Variants in SV2C observed in about 807,000 individuals in gnomAD.
SV2C encodes the protein solute carrier family 22 member B3.
SV2C carries 49 observed loss-of-function variants against 79.7 expected under a neutral mutation model. That is an observed-to-expected ratio of 0.61 (90% CI 0.49 to 0.78). The LOEUF (loss-of-function observed/expected upper bound fraction) is 0.78, where lower values mean the gene tolerates loss of function less well. Ranked by LOEUF, SV2C falls within the 30% of genes least tolerant of loss-of-function variation. The pLI is 0.00. For missense variants in SV2C, 833 were observed against 912.9 expected, an observed-to-expected ratio of 0.91 and a Z score of 1.13; for synonymous variants, 334 against 333.2, an observed-to-expected ratio of 1.00 and a Z score of -0.03.
chr5:76,117,000 A>G (rs1748290968), intron 1 of SV2C, among the ~76,000 whole-genome samples: 1 of 152,160 alleles, frequency 6.6e-6, no homozygotes, highest in South Asian at 2.1e-4. Flanking sequence ...GGAGAGGAAA[A>G]GTGAGCTAGG....
chr5:75,868,873 C>T, the SV2C span, among the ~76,000 whole-genome samples: 1 of 152,138 alleles, frequency 6.6e-6, no homozygotes, highest in Non-Finnish European at 1.5e-5. Context: ...AGAAGCTTTC[C>T]CTGGTTCCCT....
chr5:76,142,903 C>CCTTTTTTTTTTTTTTT (rs1749302755), intron 2 of SV2C, among the ~76,000 whole-genome samples: 1 of 134,574 alleles, frequency 7.4e-6, no homozygotes, highest in Non-Finnish European at 1.6e-5. Context: ...TTTTCTTTTC[C>CCTTTTTTTTTTTTTTT]TTTTTTTTTG....
the SV2C span, among the ~76,000 whole-genome samples, chr5:75,901,144 G>C: frequency 3.3e-5 from 5 of 152,168 alleles, no homozygotes; most frequent in African/African-American, 1.2e-4. Context: ...GCATTCCTTT[G>C]GAAGAGGAGA....
chr5:76,265,724 C>T (rs570730809), intron 4 of SV2C, among the ~76,000 whole-genome samples: 2 of 152,190 alleles, frequency 1.3e-5, no homozygotes, highest in Admixed American at 6.5e-5. Context: ...GGAGGCCCCC[C>T]TCCACCGCTC....
intron 1 of SV2C, among the ~76,000 whole-genome samples, chr5:76,111,925 G>A (rs190741284): frequency 7.2e-5 from 11 of 152,318 alleles, no homozygotes; most frequent in Admixed American, 2.0e-4. Flanking sequence ...TTTCAGGTCA[G>A]ATAAATTTGG....
At chr5:76,272,039 A>G (rs1303079360) in intron 4 of SV2C, among the ~76,000 whole-genome samples, 11 of 152,200 alleles carry the variant, frequency 7.2e-5, no homozygotes, top group Non-Finnish European at 1.0e-4. Context: ...TCATGAGCTA[A>G]GCAGCTGTTT....
the SV2C span, among the ~76,000 whole-genome samples, chr5:75,932,394 C>T: frequency 6.6e-6 from 1 of 152,158 alleles, no homozygotes; most frequent in African/African-American, 2.4e-5. Context: ...GTTGTGGAGA[C>T]CCGAACCCAG....
chr5:76,268,753 T>C (rs1746747120), intron 4 of SV2C, among the ~76,000 whole-genome samples: 1 of 152,236 alleles, frequency 6.6e-6, no homozygotes, highest in South Asian at 2.1e-4. Context: ...TTCTTTACTC[T>C]TTTTACTCTT....
the SV2C span, among the ~76,000 whole-genome samples, chr5:75,930,125 C>T: frequency 6.6e-6 from 1 of 152,080 alleles, no homozygotes; most frequent in African/African-American, 2.4e-5. Context: ...CTATTTTTCC[C>T]CTCCCCTCCC....
In SV2C at chr5:76,233,088, A is replaced by G. The variant is rs575990524; in HGVS notation, c.913+23201A>G. ...ACCCATGAGCATGGAATGTTCTTCC[A>G]TTTGTTTGTATCCTCTTTTATTTTG... On this transcript the variant is annotated intron_variant, in intron 4 of 12. Coordinates refer to ENST00000502798, the MANE Select transcript of SV2C (RefSeq NM_014979.4). 4.9e-4 allele frequency among the ~76,000 whole-genome samples: 69 copies of G among 141,634 alleles called. 7 individuals carry two copies. The highest frequency in any genetic ancestry group is 4.2e-3 in the Admixed American group (62 of 14,924). The allele number at this position is 141,634 out of a possible 152,430, so 92.9% of individuals were successfully genotyped here.
At chr5:76,230,832 A>G (rs1362182940) in intron 4 of SV2C, among the ~76,000 whole-genome samples, 1 of 152,028 alleles carries the variant, frequency 6.6e-6, no homozygotes, top group African/African-American at 2.4e-5. Flanking sequence ...GCAAGAAAGT[A>G]AGAAAAGAAA....
chr5:76,270,396 C>T (rs1244261147), intron 4 of SV2C, among the ~76,000 whole-genome samples: 5 of 152,148 alleles, frequency 3.3e-5, no homozygotes, highest in African/African-American at 1.2e-4. Context: ...TGAGATGAAT[C>T]ATTAGAAGTG....
chr5:76,347,124 G>GCAGCC lies in SV2C; in HGVS notation c.2001-6006_2001-6005insCAGCC, dbSNP rs57651775. Among the ~76,000 whole-genome samples, 1,368 of 151,796 alleles carry GCAGCC rather than the reference G, an allele frequency of 9.0e-3. 30 individuals carry two copies. The highest frequency in any genetic ancestry group is 0.032 in the African/African-American group (1,305 of 41,360). Reference sequence around the variant, plus strand: ...GGGCAGGAGAAAGCTGAGCTGTGATGGAGGCCTCAGCCAAATTGACGGCAC... The same window carrying GCAGCC: ...GGGCAGGAGAAAGCTGAGCTGTGATGCAGCCGAGGCCTCAGCCAAATTGACGGCAC... On this transcript the variant is annotated intron_variant, in intron 12 of 12. Transcript: ENST00000322285.
the SV2C span, among the ~76,000 whole-genome samples, chr5:76,028,201 G>T: frequency 1.1e-4 from 16 of 152,200 alleles, no homozygotes; most frequent in African/African-American, 3.9e-4. Flanking sequence ...CCCCATATTT[G>T]TTTTTGTCTC....
intron 12 of SV2C, among the ~76,000 whole-genome samples, chr5:76,345,244 C>T (rs1749517425): frequency 6.6e-6 from 1 of 152,246 alleles, no homozygotes; most frequent in Non-Finnish European, 1.5e-5. Flanking sequence ...CCTGCCCTCA[C>T]AGAGCTTCCA....
chr5:75,875,377 T>A, the SV2C span, among the ~76,000 whole-genome samples: 1 of 152,180 alleles, frequency 6.6e-6, no homozygotes, highest in Admixed American at 6.6e-5. Flanking sequence ...AGGCTAGCCA[T>A]GTGCAGAAGA....
chr5:76,013,204 C>T, the SV2C span, among the ~76,000 whole-genome samples: 2 of 152,102 alleles, frequency 1.3e-5, no homozygotes, highest in African/African-American at 4.8e-5. Context: ...GGCAGTATGG[C>T]CATTTTCATG....
chr5:76,117,713 T>TA (rs141486985), intron 1 of SV2C, among the ~76,000 whole-genome samples: 7,315 of 151,546 alleles, frequency 0.048, 540 homozygotes, highest in African/African-American at 0.16. Context: ...GTTATTTATT[T>TA]AAAAAAAAAT....
At chr5:76,097,308 A>G (rs989319993) in intron 1 of SV2C, among the ~76,000 whole-genome samples, 3 of 152,202 alleles carry the variant, frequency 2.0e-5, no homozygotes, top group Admixed American at 6.5e-5. Context: ...TAGGAGTAAA[A>G]CTACTTGTAA....
Sources: allele counts gnomAD v4.1 joint callset (sites outside exome capture counted in the v4.1 genomes callset), GRCh38; gene constraint gnomAD v4.1.1; transcripts MANE v1.5; gene names NCBI Gene and HGNC (gene_info 2026-07-23, HGNC 2026-07-21).